HTR1D: variants seen among roughly 807,000 people sequenced by gnomAD.
HTR1D encodes the protein 5-hydroxytryptamine receptor 1D, also known as 5-HT-1D.
Under a neutral mutation model 21.1 loss-of-function variants are expected in HTR1D, and 18 were observed. The observed-to-expected ratio is 0.85, with a 90% CI of 0.59 to 1.27. The LOEUF (loss-of-function observed/expected upper bound fraction) is 1.27. HTR1D is among the 50% of genes most tolerant of loss of function. The pLI is 0.00. For missense variants in HTR1D, 456 were observed against 481.4 expected (o/e 0.95, Z 0.49); for synonymous variants, 196 against 204.4 (o/e 0.96, Z 0.35).
At chr1:23,210,023 A>G (rs1010173175) in intron 1 of HTR1D, among the ~76,000 whole-genome samples, 2 of 152,214 alleles carry the variant, frequency 1.3e-5, no homozygotes, top group South Asian at 2.1e-4. Flanking sequence ...GAATGTGTAC[A>G]TGCATTACCT....
In HTR1D at chr1:23,192,977, C is replaced by T. The variant is rs1306412505; in HGVS notation, c.*109G>A. On this transcript the variant is annotated 3_prime_UTR_variant, in exon 2 of 2. Coordinates refer to ENST00000374619, the MANE Select transcript of HTR1D (RefSeq NM_000864.5). ...CAATTCTGTTGATTGAACCAAGACT[C>T]AAGATACCATGAATTAATCCAAGTC... 9.0e-6 allele frequency: 6 copies of T among 666,116 alleles called. No individual in the cohort carries two copies. The highest frequency in any genetic ancestry group is 1.4e-5 in the Non-Finnish European group (6 of 424,478). The allele number at this position is 666,116 out of a possible 1,614,324, so 41.3% of individuals were successfully genotyped here.
intron 1 of HTR1D, among the ~76,000 whole-genome samples, chr1:23,213,173 C>T (rs1569769018): frequency 6.6e-6 from 1 of 152,256 alleles, no homozygotes; most frequent in East Asian, 1.9e-4. Flanking sequence ...ACACCTAGCC[C>T]AAGCTTTGAA....
Position 23,217,459 on chromosome 1 carries a change from C to T in HTR1D, c.-951G>A, listed in dbSNP as rs906084807. ...TTTCCGGCTCGCGCCCTCGCGATCCCGCACCTGCCTCCGCCTCTCCCAGAG... is the reference window on the plus strand; with the variant it reads ...TTTCCGGCTCGCGCCCTCGCGATCCTGCACCTGCCTCCGCCTCTCCCAGAG... On this transcript the variant is annotated 5_prime_UTR_variant, in exon 1 of 2. Transcript: ENST00000374619. The surrounding 1 kb of genome is among the most constrained non-coding windows in gnomAD (Gnocchi z 4.6). Among the ~76,000 whole-genome samples the T allele has an allele frequency of 1.3e-5, 2 of 151,990 alleles. No individual in the cohort carries two copies. Among genetic ancestry groups the T allele is most frequent in the African/African-American group, 4.8e-5 (2 of 41,422 alleles).
chr1:23,207,010 G>A (rs984403890), intron 1 of HTR1D, among the ~76,000 whole-genome samples: 1 of 152,142 alleles, frequency 6.6e-6, no homozygotes, highest in Non-Finnish European at 1.5e-5. Flanking sequence ...TTCCTCCTCC[G>A]AGCCTCAGTT....
chr1:23,205,637 G>T (rs937255975), intron 1 of HTR1D, among the ~76,000 whole-genome samples: 9 of 152,232 alleles, frequency 5.9e-5, no homozygotes, highest in African/African-American at 2.2e-4. Flanking sequence ...TCCGCCTCCC[G>T]GGTTCAAGTG....
chr1:23,215,009 A>G (rs892623677), intron 1 of HTR1D, among the ~76,000 whole-genome samples: 2 of 152,158 alleles, frequency 1.3e-5, no homozygotes, highest in Non-Finnish European at 2.9e-5. Context: ...AGGAGAATGA[A>G]GCCGCAAAAA....
At chr1:23,202,220 C>CTG (rs1220557578) in intron 1 of HTR1D, among the ~76,000 whole-genome samples, 2 of 152,030 alleles carry the variant, frequency 1.3e-5, no homozygotes, top group Non-Finnish European at 1.5e-5. Context: ...CCTCAGCCTC[C>CTG]TGTGTAGCTG....
intron 1 of HTR1D, among the ~76,000 whole-genome samples, chr1:23,212,275 G>T (rs779837819): frequency 3.9e-5 from 6 of 152,084 alleles, no homozygotes; most frequent in Non-Finnish European, 8.8e-5. Context: ...GGACTCCCCT[G>T]GACTGGAATC....
intron 1 of HTR1D, among the ~76,000 whole-genome samples, chr1:23,206,194 AC>A (rs1182978320): frequency 6.6e-6 from 1 of 151,624 alleles, no homozygotes; most frequent in Non-Finnish European, 1.5e-5. Flanking sequence ...GATGCCCACC[AC>A]CATACCCAGC....
intron 1 of HTR1D, among the ~76,000 whole-genome samples, chr1:23,205,450 T>C (rs752975647): frequency 4.6e-5 from 7 of 152,218 alleles, no homozygotes; most frequent in Non-Finnish European, 7.3e-5. Flanking sequence ...ACATGATTTG[T>C]AGTAATAAAT....
rs1341341750 is a variant in HTR1D at position 23,194,183 on chromosome 1, G to A, written c.37C>T (p.Gln13Ter). The A allele has an allele frequency of 9.3e-6, 15 of 1,613,810 alleles. No individual in the cohort carries two copies. Among genetic ancestry groups the A allele is most frequent in the Non-Finnish European group, 1.3e-5 (15 of 1,179,898 alleles). The change falls in exon 2 of 2, where the codon CAG becomes TAG. Residue 13 changes from glutamine (Q) to a stop codon, truncating the protein, a stop_gained. Transcript: ENST00000374619. LOFTEE classifies it high-confidence loss of function. Reference sequence around the variant, plus strand: ...TTCAGGGATCTGTTGGAGGCCTCCTGGGGAAGGCCTTCTGCTGACTGGTTC... The same window carrying A: ...TTCAGGGATCTGTTGGAGGCCTCCTAGGGAAGGCCTTCTGCTGACTGGTTC... ...PLNQSAEGLP[Q>*]EASNRSLNAT... is the part of the protein sequence containing the mutation.
rs747417217 is a variant in HTR1D at position 23,193,349 on chromosome 1, T to C, written c.871A>G (p.Ile291Val). ...LADSALERKR[I>V]SAARERKATK... ...GCTTTCCTTTCTCGAGCAGCAGAAATCCTCTTGCGTTCCAGGGCACTGTCA... is the reference window on the plus strand; with the variant it reads ...GCTTTCCTTTCTCGAGCAGCAGAAACCCTCTTGCGTTCCAGGGCACTGTCA... Residue 291 changes from isoleucine to valine, a missense_variant, in exon 2 of 2, where the codon ATT (isoleucine) becomes GTT (valine). Ile to Val is a conservative substitution (Grantham distance 29). Coordinates refer to ENST00000374619, the MANE Select transcript of HTR1D (RefSeq NM_000864.5). The C allele has an allele frequency of 3.0e-5, 49 of 1,614,028 alleles. No homozygotes were observed. The highest frequency in any genetic ancestry group is 1.6e-4 in the Middle Eastern group (1 of 6,082).
intron 1 of HTR1D, among the ~76,000 whole-genome samples, chr1:23,209,246 G>T (rs1215879386): frequency 6.6e-6 from 1 of 152,088 alleles, no homozygotes; most frequent in African/African-American, 2.4e-5. Context: ...TGATCCGTCC[G>T]CCTCGGCCTC....
intron 1 of HTR1D, among the ~76,000 whole-genome samples, chr1:23,207,743 T>TA (rs1644737672): frequency 1.3e-5 from 2 of 149,612 alleles, no homozygotes; most frequent in Non-Finnish European, 3.0e-5. Context: ...AACACACTGT[T>TA]AAAAGGCAAG....
At position 23,202,619 on chromosome 1, in the gene HTR1D, A is replaced by T. The variant is rs575379024; in HGVS notation, c.-782-7618T>A. On this transcript the variant is annotated intron_variant, in intron 1 of 1. Coordinates refer to ENST00000374619, the MANE Select transcript of HTR1D (RefSeq NM_000864.5). ...AAAAAAATAAGGCTCTGTGATAAAA[A>T]GATTTGTTGCAGTAGAATACATCCC... Among the ~76,000 whole-genome samples the T allele has an allele frequency of 2.0e-5, 3 of 152,346 alleles. No individual in the cohort carries two copies. The South Asian group carries it at 6.2e-4, about 32-fold the overall frequency.
chr1:23,209,049 G>A (rs1349837101), intron 1 of HTR1D, among the ~76,000 whole-genome samples: 1 of 144,742 alleles, frequency 6.9e-6, no homozygotes, highest in Non-Finnish European at 1.5e-5. Flanking sequence ...AGGCTGGAGT[G>A]AAGTGGCACA....
chr1:23,195,923 G>C (rs1644686995), intron 1 of HTR1D, among the ~76,000 whole-genome samples: 1 of 152,058 alleles, frequency 6.6e-6, no homozygotes, highest in South Asian at 2.1e-4. Flanking sequence ...CGACCTCCTG[G>C]ATCAAGTGAC....
intron 1 of HTR1D, among the ~76,000 whole-genome samples, chr1:23,215,639 G>T (rs1644770890): frequency 6.6e-6 from 1 of 152,204 alleles, no homozygotes; most frequent in African/African-American, 2.4e-5. Context: ...CGTGGCCTAG[G>T]AGAGAAGGGA....
At chr1:23,198,384 AAAAGT>A in intron 1 of HTR1D, among the ~76,000 whole-genome samples, 1 of 151,672 alleles carries the variant, frequency 6.6e-6, no homozygotes, top group Middle Eastern at 3.4e-3. Flanking sequence ...AAAAAAAAAA[AAAAGT>A]GTAGAGCAAT....
Sources: gnomAD v4.1 joint callset for allele counts (sites outside exome capture counted in the v4.1 genomes callset) on GRCh38, gnomAD v4.1.1 for gene constraint, Gnocchi (gnomAD v3.1) non-coding constraint, MANE v1.5 for transcripts, NCBI Gene and HGNC (gene_info 2026-07-23, HGNC 2026-07-21) for gene names.